The following PALS2 variants were observed in gnomAD, a reference collection of about 807,000 sequenced individuals.
The protein encoded by PALS2 is protein PALS2.
A neutral mutation model predicts 61.6 loss-of-function variants in PALS2; 27 were observed. That is an observed-to-expected ratio of 0.44 (90% CI 0.32 to 0.60). The LOEUF is 0.60. PALS2 is among the 20% of genes least tolerant of loss of function. The pLI is 0.05. For missense variants in PALS2, 554 were observed against 639.4 expected (o/e 0.87, Z 1.44); for synonymous variants, 236 against 218.6 (o/e 1.08, Z -0.70).
chr7:24,679,772 G>A (rs907873227), intron 10 of PALS2, among the ~76,000 whole-genome samples: 5 of 151,884 alleles, frequency 3.3e-5, no homozygotes, highest in East Asian at 1.9e-4. Flanking sequence ...TTCCCACTCC[G>A]CTACACTCAG....
At chr7:24,598,326 T>C (rs1441547046) in intron 1 of PALS2, among the ~76,000 whole-genome samples, 1 of 152,182 alleles carries the variant, frequency 6.6e-6, no homozygotes, top group Non-Finnish European at 1.5e-5. Context: ...TTTTAGTTCA[T>C]TTTATTACCA....
intron 8 of PALS2, 61 bp from the exon 9 acceptor site, chr7:24,668,438 C>A: frequency 6.9e-7 from 1 of 1,456,198 alleles, no homozygotes; most frequent in Non-Finnish European, 9.4e-7. Flanking sequence ...GACAGAATTG[C>A]AGAGATTTCT....
intron 9 of PALS2, among the ~76,000 whole-genome samples, chr7:24,678,469 C>T (rs1293341686): frequency 6.6e-6 from 1 of 152,140 alleles, no homozygotes; most frequent in Non-Finnish European, 1.5e-5. Context: ...AAACAGGAAG[C>T]TAAAAGCGTT....
intron 9 of PALS2, among the ~76,000 whole-genome samples, chr7:24,678,075 ACTT>A (rs1158771524): frequency 9.9e-5 from 15 of 152,212 alleles, no homozygotes; most frequent in African/African-American, 3.4e-4. Context: ...GAAACAGGAT[ACTT>A]CTTATATCCG....
At chr7:24,644,036 A>G (rs1015174260) in intron 3 of PALS2, among the ~76,000 whole-genome samples, 4 of 151,314 alleles carry the variant, frequency 2.6e-5, no homozygotes, top group East Asian at 1.9e-4. Context: ...TCTATCAACC[A>G]TGTACCTACT....
intron 1 of PALS2, chr7:24,619,902 C>T (rs1784431360): frequency 6.6e-6 from 1 of 151,982 alleles, no homozygotes; most frequent in Non-Finnish European, 1.5e-5. Context: ...AAAAACTTCC[C>T]TGTTTTTCTG....
chr7:24,631,312 G>A (rs915026616), intron 2 of PALS2, among the ~76,000 whole-genome samples: 5 of 152,190 alleles, frequency 3.3e-5, no homozygotes, highest in Non-Finnish European at 5.9e-5. Flanking sequence ...TTAGATGAAA[G>A]ATGACACTTT....
intron 5 of PALS2, among the ~76,000 whole-genome samples, chr7:24,652,682 A>T (rs1049922578): frequency 3.3e-5 from 5 of 152,138 alleles, no homozygotes. Context: ...CATCCTACTG[A>T]GATGCTATAG....
At chr7:24,651,137 G>A (rs900567139) in intron 5 of PALS2, among the ~76,000 whole-genome samples, 2 of 151,954 alleles carry the variant, frequency 1.3e-5, no homozygotes, top group Non-Finnish European at 2.9e-5. Flanking sequence ...AAAGAGGATG[G>A]GTATAAAGAA....
At chr7:24,601,474 C>T (rs1783718076) in intron 1 of PALS2, among the ~76,000 whole-genome samples, 1 of 152,090 alleles carries the variant, frequency 6.6e-6, no homozygotes, top group Non-Finnish European at 1.5e-5. Flanking sequence ...TGAATACGGA[C>T]TCATTTTCTG....
chr7:24,685,648 T>G (rs80089121), intron 11 of PALS2, among the ~76,000 whole-genome samples: 1 of 39,770 alleles, frequency 2.5e-5, no homozygotes, highest in Admixed American at 1.9e-4. Context: ...GTTAACAGGG[T>G]TTTTTTTTTT....
intron 9 of PALS2, among the ~76,000 whole-genome samples, chr7:24,670,868 T>G (rs111861401): frequency 2.9e-4 from 44 of 152,344 alleles, no homozygotes; most frequent in African/African-American, 1.0e-3. Context: ...AGTACTTATT[T>G]TCTTTTCCTT....
chr7:24,640,737 G>GCA (rs367801658), intron 2 of PALS2, among the ~76,000 whole-genome samples: 3 of 151,518 alleles, frequency 2.0e-5, no homozygotes, highest in African/African-American at 4.9e-5. Flanking sequence ...GGCCGAGGGC[G>GCA]GTGGCTCATG....
intron 1 of PALS2, among the ~76,000 whole-genome samples, chr7:24,616,263 GT>G (rs1468184643): frequency 6.6e-6 from 1 of 151,894 alleles, no homozygotes; most frequent in African/African-American, 2.4e-5. Flanking sequence ...AATTGTTACT[GT>G]TTACATATGG....
rs1327982065 is a variant in PALS2 at position 24,573,520 on chromosome 7, G to C, written c.-76G>C. 2.6e-6 allele frequency: 1 copy of C among 390,382 alleles called. No individual in the cohort carries two copies. The highest frequency in any genetic ancestry group is 3.6e-5 in the East Asian group (1 of 27,552). 24.2% of individuals were successfully genotyped at this position (390,382 alleles called of 1,614,324 possible). A position where few individuals can be genotyped will look rare whatever the true frequency, so the allele number is the denominator to read the frequency against. On this transcript the variant is annotated 5_prime_UTR_variant, in exon 1 of 12. Transcript: ENST00000222644. The surrounding 1 kb of genome is among the most constrained non-coding windows in gnomAD (Gnocchi z 5.3). Reference sequence around the variant, plus strand: ...GCTGCTCGGCGGCGCCTGTGGCTGAGGGAGAGCAGCGGCGGCGGGGAGCGA... The same window carrying C: ...GCTGCTCGGCGGCGCCTGTGGCTGACGGAGAGCAGCGGCGGCGGGGAGCGA...
intron 3 of PALS2, among the ~76,000 whole-genome samples, chr7:24,648,494 A>G (rs1785961531): frequency 6.6e-6 from 1 of 151,726 alleles, no homozygotes; most frequent in Admixed American, 6.6e-5. Flanking sequence ...GAGTGTTGCC[A>G]TGTTGGCCAG....
At position 24,691,027 on chromosome 7, in the gene PALS2, A is replaced by G. The variant is rs1788441769; in HGVS notation, c.*3413A>G. On this transcript the variant is annotated 3_prime_UTR_variant, in exon 12 of 12. Coordinates refer to ENST00000222644, the MANE Select transcript of PALS2 (RefSeq NM_001303037.2). ...CTGCTTTGACCATAATATCCCAATGACAATAAAAAATGATCCTTGGTTTAA... is the reference window on the plus strand; with the variant it reads ...CTGCTTTGACCATAATATCCCAATGGCAATAAAAAATGATCCTTGGTTTAA... 1 of 152,164 alleles carries G rather than the reference A, an allele frequency of 6.6e-6. No individual in the cohort carries two copies. The highest frequency in any genetic ancestry group is 2.1e-4 in the South Asian group (1 of 4,830). 9.4% of individuals were successfully genotyped at this position (152,164 alleles called of 1,614,324 possible). A position where few individuals can be genotyped will look rare whatever the true frequency, so the allele number is the denominator to read the frequency against.
intron 1 of PALS2, among the ~76,000 whole-genome samples, chr7:24,623,206 T>G (rs558778022): frequency 1.3e-5 from 2 of 151,848 alleles, no homozygotes; most frequent in East Asian, 1.9e-4. Flanking sequence ...TTCCGTTTTT[T>G]TTTTTTTTTT....
intron 1 of PALS2, among the ~76,000 whole-genome samples, chr7:24,587,619 C>T (rs770919086): frequency 9.2e-4 from 140 of 151,722 alleles, no homozygotes; most frequent in South Asian, 2.1e-3. Flanking sequence ...TCAAGCCATC[C>T]TCCCTTCTTG....
Sources: gnomAD v4.1 joint callset for allele counts (sites outside exome capture counted in the v4.1 genomes callset) on GRCh38, gnomAD v4.1.1 for gene constraint, Gnocchi (gnomAD v3.1) non-coding constraint, MANE v1.5 for transcripts, NCBI Gene and HGNC (gene_info 2026-07-23, HGNC 2026-07-21) for gene names.